The following TAF12 variants were observed in gnomAD, a reference collection of about 807,000 sequenced individuals.
The protein encoded by TAF12 is transcription initiation factor TFIID subunit 12.
In TAF12, 3 loss-of-function variants were observed where a neutral mutation model predicts 20.8. That is an observed-to-expected ratio of 0.14 (90% CI 0.07 to 0.37). The LOEUF (loss-of-function observed/expected upper bound fraction) is 0.37. Among genes scored for constraint, TAF12 ranks in the 10% least tolerant of loss-of-function variants. TAF12 has a pLI of 1.00. For missense variants in TAF12, 131 were observed against 197.9 expected, an observed-to-expected ratio of 0.66 and a Z score of 2.03; for synonymous variants, 69 against 70.2, an observed-to-expected ratio of 0.98 and a Z score of 0.09.
At chr1:28,611,565 G>A (rs1288456672) in intron 4 of TAF12, among the ~76,000 whole-genome samples, 2 of 152,034 alleles carry the variant, frequency 1.3e-5, no homozygotes, top group East Asian at 1.9e-4. Context: ...GAGACACAGA[G>A]GGAAAAGGCC....
chr1:28,643,044 T>C lies in TAF12; in HGVS notation c.-137A>G, dbSNP rs1278109099. 5.1e-6 allele frequency: 5 copies of C among 985,834 alleles called. No individual in the cohort carries two copies. Among genetic ancestry groups the C allele is most frequent in the South Asian group, 4.7e-5 (1 of 21,282 alleles). The allele number at this position is 985,834 out of a possible 1,614,324, so 61.1% of individuals were successfully genotyped here. On this transcript the variant is annotated 5_prime_UTR_variant, in exon 1 of 6. Transcript: ENST00000373824. ...ATGCAGAGACTGCCCCAGTGAAGCG[T>C]TCGTCTCAGCAGCCGGTCCGACTGC...
intron 1 of TAF12, among the ~76,000 whole-genome samples, chr1:28,632,181 C>T (rs71642240): frequency 6.6e-6 from 1 of 152,120 alleles, no homozygotes; most frequent in African/African-American, 2.4e-5. Context: ...CTCACATCTG[C>T]AATCCCAGCA....
chr1:28,633,398 C>T (rs1021825827), intron 1 of TAF12, among the ~76,000 whole-genome samples: 1 of 149,986 alleles, frequency 6.7e-6, no homozygotes, highest in Non-Finnish European at 1.5e-5. Flanking sequence ...GAATTCCCGA[C>T]CTCAGGTGAT....
rs189311340 is a variant in TAF12 at position 28,611,484 on chromosome 1, T to C, written c.361+1763A>G. On this transcript the variant is annotated intron_variant, in intron 4 of 5. Transcript: ENST00000373824. ...TGAAATTGGTTAAAATGAGATCATATTGGAGTAGGGTTAGCCCTTAATCCA... is the reference window on the plus strand; with the variant it reads ...TGAAATTGGTTAAAATGAGATCATACTGGAGTAGGGTTAGCCCTTAATCCA... 2.1e-3 allele frequency among the ~76,000 whole-genome samples: 319 copies of C among 152,292 alleles called. 2 individuals carry two copies. Among genetic ancestry groups the C allele is most frequent in the African/African-American group, 7.0e-3 (293 of 41,564 alleles).
chr1:28,614,828 G>A (rs980716648), intron 3 of TAF12, among the ~76,000 whole-genome samples: 2 of 152,190 alleles, frequency 1.3e-5, no homozygotes, highest in Admixed American at 1.3e-4. Context: ...TACGAGGCCA[G>A]GAGCAGTGGC....
intron 1 of TAF12, among the ~76,000 whole-genome samples, chr1:28,630,979 A>C (rs1348182695): frequency 7.2e-6 from 1 of 139,050 alleles, no homozygotes; most frequent in Non-Finnish European, 1.5e-5. Context: ...CGGGAGGCGG[A>C]GGTTGCAGTG....
At chr1:28,626,532 GATC>G (rs527959322) in intron 1 of TAF12, among the ~76,000 whole-genome samples, 57 of 143,136 alleles carry the variant, frequency 4.0e-4, no homozygotes, top group African/African-American at 1.4e-3. Flanking sequence ...AGTGGGCCGA[GATC>G]ATGCCACTGC....
intron 1 of TAF12, among the ~76,000 whole-genome samples, chr1:28,626,216 A>T (rs972563689): frequency 2.0e-5 from 3 of 150,280 alleles, no homozygotes; most frequent in Admixed American, 2.0e-4. Flanking sequence ...TGACCTCGTG[A>T]TCCACCCGCC....
At chr1:28,609,152 C>T (rs1319808710) in intron 4 of TAF12, among the ~76,000 whole-genome samples, 6 of 151,636 alleles carry the variant, frequency 4.0e-5, no homozygotes, top group South Asian at 2.1e-4. Context: ...TCTCGGCTCA[C>T]TGCAACCTCC....
At chr1:28,642,963 TTCC>T in intron 1 of TAF12, 26 bp downstream of exon 1, 1 of 986,290 alleles carries the variant, frequency 1.0e-6, no homozygotes, top group Non-Finnish European at 1.2e-6. Flanking sequence ...CCCGCTCTTG[TTCC>T]TCAACTGCCA....
intron 1 of TAF12, among the ~76,000 whole-genome samples, chr1:28,639,910 C>T (rs777263270): frequency 4.0e-4 from 61 of 151,638 alleles, no homozygotes; most frequent in South Asian, 8.3e-4. Flanking sequence ...GACACAATCT[C>T]GGCTCATTGA....
rs766632265 is a variant in TAF12 at position 28,613,279 on chromosome 1, G to A, written c.329C>T (p.Thr110Ile). ...CQLARHRKSS[T>I]LEVKDVQLHL... ...CAGCTGGACATCTTTCACCTCCAGGGTGCTAGACTTGCGATGCCGCGCAAG... is the reference window on the plus strand; with the variant it reads ...CAGCTGGACATCTTTCACCTCCAGGATGCTAGACTTGCGATGCCGCGCAAG... Residue 110 changes from threonine (T) to isoleucine (I), a missense_variant, in exon 4 of 6, where the codon ACC becomes ATC. By Grantham distance (89) the Thr-to-Ile change is moderately conservative. Transcript: ENST00000373824. 13 of 1,612,142 alleles carry A rather than the reference G, an allele frequency of 8.1e-6. No individual in the cohort carries two copies. In the South Asian group the frequency reaches 1.1e-4, roughly 14 times the overall value.
At chr1:28,620,185 G>A (rs1667168860) in intron 2 of TAF12, among the ~76,000 whole-genome samples, 1 of 151,084 alleles carries the variant, frequency 6.6e-6, no homozygotes, top group South Asian at 2.1e-4. Flanking sequence ...CCAGGCTGGA[G>A]TGCAGTGGTG....
chr1:28,641,989 T>C (rs936497396), intron 1 of TAF12, among the ~76,000 whole-genome samples: 2 of 152,118 alleles, frequency 1.3e-5, no homozygotes, highest in Admixed American at 6.6e-5. Context: ...AAATGTAAAA[T>C]AGGAGTTTTT....
intron 1 of TAF12, among the ~76,000 whole-genome samples, chr1:28,633,164 CT>C (rs769194043): frequency 0.046 from 5,353 of 117,538 alleles, 134 homozygotes; most frequent in Non-Finnish European, 0.073. Context: ...GCCCGGCCTA[CT>C]TTTTTTTTTT....
chr1:28,603,654 GGCCT>G, intron 5 of TAF12, 80 bp from the exon 6 acceptor site: 1 of 1,468,452 alleles, frequency 6.8e-7, no homozygotes, highest in South Asian at 1.1e-5. Context: ...GTGGCTAGCA[GGCCT>G]CATGGTCTAC....
rs990664733 is a variant in TAF12 at position 28,642,995 on chromosome 1, C to T, written c.-88G>A. The T allele has an allele frequency of 5.1e-6, 5 of 986,058 alleles. No homozygotes were observed. The highest frequency in any genetic ancestry group is 6.0e-6 in the Non-Finnish European group (5 of 830,068). 61.1% of individuals were successfully genotyped at this position (986,058 alleles called of 1,614,324 possible). ...ACTGCCAGGGCCCAAGACTCACAGG[C>T]AGCAGCGTCTATCTCCCCATGATAT... On this transcript the variant is annotated 5_prime_UTR_variant, in exon 1 of 6. Coordinates refer to ENST00000373824, the MANE Select transcript of TAF12 (RefSeq NM_005644.4).
At chr1:28,633,230 A>G (rs1166076658) in intron 1 of TAF12, among the ~76,000 whole-genome samples, 1 of 144,146 alleles carries the variant, frequency 6.9e-6, no homozygotes, top group Non-Finnish European at 1.5e-5. Context: ...ACAGGAGCCC[A>G]ATCTTGGCTC....
chr1:28,621,850 G>A (rs1286266857), intron 2 of TAF12, 64 bp downstream of exon 2: 11 of 1,578,588 alleles, frequency 7.0e-6, no homozygotes, highest in Non-Finnish European at 8.6e-6. Flanking sequence ...ATCTCTTAAA[G>A]TATTACAGAT....
Sources: allele counts gnomAD v4.1 joint callset (sites outside exome capture counted in the v4.1 genomes callset), GRCh38; gene constraint gnomAD v4.1.1; transcripts MANE v1.5; gene names NCBI Gene and HGNC (gene_info 2026-07-23, HGNC 2026-07-21).